Variants in KCNH8 observed in about 807,000 individuals in gnomAD.
KCNH8 encodes potassium voltage-gated channel subfamily H member 8.
Under a neutral mutation model 103.6 loss-of-function variants are expected in KCNH8, and 70 were observed. That is an observed-to-expected ratio of 0.68 (90% confidence interval 0.56 to 0.82). KCNH8 has a LOEUF of 0.82. KCNH8 is among the 40% of genes least tolerant of loss of function. The pLI, the probability that KCNH8 is intolerant of heterozygous loss-of-function variation, is 0.00. For synonymous variants in KCNH8, 498 were observed against 489.4 expected (o/e 1.02, Z -0.23); for missense variants, 1,217 against 1,329.9 (o/e 0.92, Z 1.32).
chr3:19,346,860 C>T, intron 4 of KCNH8: 3 of 337,386 alleles, frequency 8.9e-6, no homozygotes, highest in Middle Eastern at 5.3e-4. Context: ...AGTAGCTGGT[C>T]ACAGGCTTGT....
chr3:19,282,078 G>C (rs1057055726), intron 3 of KCNH8, among the ~76,000 whole-genome samples: 2 of 152,026 alleles, frequency 1.3e-5, no homozygotes, highest in Admixed American at 6.6e-5. Flanking sequence ...TTCTTTTTTA[G>C]AATCAGCTAC....
At chr3:19,263,558 G>A (rs1172478295) in intron 2 of KCNH8, among the ~76,000 whole-genome samples, 2 of 152,088 alleles carry the variant, frequency 1.3e-5, no homozygotes, top group African/African-American at 4.8e-5. Context: ...GTGAACCAAA[G>A]TGCCTACGCA....
rs540635480 is a variant in KCNH8, at chr3:19,429,334, C to A, written c.1178-8830C>A. Among the ~76,000 whole-genome samples, 76 of 152,082 alleles carry A rather than the reference C, an allele frequency of 5.0e-4. 1 individual carries two copies. Among genetic ancestry groups the A allele is most frequent in the African/African-American group, 1.7e-3 (71 of 41,520 alleles). ...GACTACAGGTGCCCGCCACTACATC[C>A]GGCTAATTTTTTTGTATTTTTAGTA... On this transcript the variant is annotated intron_variant, in intron 7 of 15. Coordinates refer to ENST00000328405, the MANE Select transcript of KCNH8 (RefSeq NM_144633.3).
intron 3 of KCNH8, among the ~76,000 whole-genome samples, chr3:19,313,887 G>T (rs891165947): frequency 6.6e-6 from 1 of 151,854 alleles, no homozygotes; most frequent in African/African-American, 2.4e-5. Flanking sequence ...GCATTTCAAT[G>T]CCAGTCCTTA....
chr3:19,387,305 T>C (rs979027859), intron 5 of KCNH8, among the ~76,000 whole-genome samples: 3 of 152,136 alleles, frequency 2.0e-5, no homozygotes, highest in African/African-American at 7.2e-5. Context: ...CTAAAATATA[T>C]TTAGAAGTGC....
chr3:19,274,694 G>A (rs948029238), intron 2 of KCNH8, among the ~76,000 whole-genome samples: 2 of 152,006 alleles, frequency 1.3e-5, no homozygotes, highest in Non-Finnish European at 2.9e-5. Flanking sequence ...TTTCTGAGAG[G>A]TGGCTATACA....
chr3:19,501,884 C>G (rs2068591468), intron 11 of KCNH8, among the ~76,000 whole-genome samples: 1 of 152,154 alleles, frequency 6.6e-6, no homozygotes, highest in Admixed American at 6.5e-5. Context: ...GATGCCCTCT[C>G]TCACCACTCC....
chr3:19,153,354 T>C (rs1226971389), intron 1 of KCNH8, among the ~76,000 whole-genome samples: 39 of 152,164 alleles, frequency 2.6e-4, no homozygotes, highest in Admixed American at 2.6e-3. Flanking sequence ...TGCTGAAAAT[T>C]GAAATTGTGT....
chr3:19,366,597 T>TC (rs2066014212), intron 5 of KCNH8, among the ~76,000 whole-genome samples: 1 of 152,042 alleles, frequency 6.6e-6, no homozygotes, highest in South Asian at 2.1e-4. Flanking sequence ...AGGGTTTTTT[T>TC]CCCTCTTACC....
chr3:19,215,014 T>C (rs2063804957), intron 1 of KCNH8, among the ~76,000 whole-genome samples: 1 of 152,222 alleles, frequency 6.6e-6, no homozygotes. Context: ...GCCCATTATC[T>C]GTTTCATGGA....
chr3:19,244,996 A>C (rs1242493543), intron 1 of KCNH8, among the ~76,000 whole-genome samples: 2 of 152,084 alleles, frequency 1.3e-5, no homozygotes, highest in African/African-American at 2.4e-5. Context: ...TTTTTGTTGT[A>C]ATTCCTTTTG....
At chr3:19,351,320 T>C (rs562902240) in intron 5 of KCNH8, among the ~76,000 whole-genome samples, 14 of 152,234 alleles carry the variant, frequency 9.2e-5, no homozygotes, top group Admixed American at 2.0e-4. Context: ...TTCAGGATAT[T>C]ATCCAGGAGA....
chr3:19,466,298 C>T (rs145756946), intron 11 of KCNH8, among the ~76,000 whole-genome samples: 6,835 of 152,204 alleles, frequency 0.045, 220 homozygotes, highest in Non-Finnish European at 0.07. Context: ...ATGTTGTGAA[C>T]ATTGTTGAAA....
At chr3:19,362,364 T>C (rs1317166015) in intron 5 of KCNH8, among the ~76,000 whole-genome samples, 2 of 152,024 alleles carry the variant, frequency 1.3e-5, no homozygotes, top group Non-Finnish European at 2.9e-5. Context: ...AGGAAATATA[T>C]GGGGGAAATT....
chr3:19,456,773 G>A lies in KCNH8; in HGVS notation c.1831G>A (p.Gly611Arg). The A allele has an allele frequency of 6.2e-7, 1 of 1,603,494 alleles. No individual in the cohort carries two copies. Among genetic ancestry groups the A allele is most frequent in the Non-Finnish European group, 8.5e-7 (1 of 1,171,630 alleles). ...DSMVLAILGK[G>R]DLIGANLSIK... is the part of the protein sequence containing the mutation. ...ATCTCTCTCTCTCTTTCTAGGGAAA[G>A]GGGATTTAATTGGAGCAAATCTATC... Residue 611 changes from glycine (G) to arginine (R), a missense_variant, in exon 11 of 16, where the codon GGG (glycine) becomes AGG (arginine). Gly to Arg is a moderately radical substitution (Grantham distance 125). Around this residue, in one of 3 missense-constraint regions of KCNH8, gnomAD observed 415 missense variants for 577.4 expected, o/e 0.72. Coordinates refer to ENST00000328405, the MANE Select transcript of KCNH8 (RefSeq NM_144633.3).
chr3:19,338,447 G>A (rs868840738), intron 3 of KCNH8, among the ~76,000 whole-genome samples: 2 of 151,940 alleles, frequency 1.3e-5, no homozygotes, highest in Non-Finnish European at 2.9e-5. Context: ...AGGTTTCACT[G>A]TTAAATGGTT....
chr3:19,260,428 A>G (rs2064414989), intron 2 of KCNH8, among the ~76,000 whole-genome samples: 1 of 146,888 alleles, frequency 6.8e-6, no homozygotes, highest in African/African-American at 2.5e-5. Flanking sequence ...ACAGTAAGAA[A>G]CATTACTTAC....
intron 3 of KCNH8, among the ~76,000 whole-genome samples, chr3:19,309,440 G>C (rs2125296087): frequency 6.6e-6 from 1 of 152,052 alleles, no homozygotes; most frequent in Non-Finnish European, 1.5e-5. Context: ...TTAAAATTTA[G>C]CTGAAGTGTT....
chr3:19,245,471 A>G (rs2064192300), intron 1 of KCNH8, among the ~76,000 whole-genome samples: 1 of 152,160 alleles, frequency 6.6e-6, no homozygotes, highest in African/African-American at 2.4e-5. Context: ...GAATTTTAGA[A>G]TATTTTATTC....
Sources: gnomAD v4.1 joint callset for allele counts (sites outside exome capture counted in the v4.1 genomes callset) on GRCh38, gnomAD v4.1.1 for gene constraint, gnomAD v4.1.1 regional missense constraint, MANE v1.5 for transcripts, NCBI Gene and HGNC (gene_info 2026-07-23, HGNC 2026-07-21) for gene names.